SAMD4A: variants seen among roughly 807,000 people sequenced by gnomAD.
SAMD4A encodes sterile alpha motif domain containing 4A.
A neutral mutation model predicts 81.3 loss-of-function variants in SAMD4A; 33 were observed. The ratio of observed to expected loss-of-function variants is 0.41; its 90% confidence interval spans 0.31 to 0.54. The LOEUF (loss-of-function observed/expected upper bound fraction) is 0.54. Ranked by LOEUF, SAMD4A falls within the 20% of genes least tolerant of loss-of-function variation. The probability of loss-of-function intolerance (pLI) is 0.37; values close to 1 mark genes in which losing one functional copy is unlikely to be tolerated. For missense variants in SAMD4A, 854 were observed against 951.1 expected (o/e 0.90, Z 1.34); for synonymous variants, 389 against 382.1 (o/e 1.02, Z -0.21).
At chr14:54,685,281 C>CCG (rs368449270) in intron 2 of SAMD4A, among the ~76,000 whole-genome samples, 4,401 of 134,500 alleles carry the variant, frequency 0.033, 293 homozygotes, top group African/African-American at 0.11. Flanking sequence ...CCTGCCCCCC[C>CCG]CCCCAGCTCC....
chr14:54,698,225 TGTG>T lies in SAMD4A; in HGVS notation c.197-3836_197-3834del, dbSNP rs138255997. Among the ~76,000 whole-genome samples the T allele has an allele frequency of 5.2e-3, 790 of 152,390 alleles. 7 individuals carry two copies. The highest frequency in any genetic ancestry group is 0.017 in the African/African-American group (727 of 41,590). On this transcript the variant is annotated intron_variant, in intron 2 of 12. Coordinates refer to ENST00000554335, the MANE Select transcript of SAMD4A (RefSeq NM_015589.6). ...TATTATACTTCTGTTGCTCACCAAC[TGTG>T]ATTATCCATGTACTCTATTAATACA...
intron 2 of SAMD4A, among the ~76,000 whole-genome samples, chr14:54,684,159 G>A (rs2036194900): frequency 6.6e-6 from 1 of 152,150 alleles, no homozygotes; most frequent in Non-Finnish European, 1.5e-5. Context: ...TTTCAAGGGT[G>A]CTACCTTAAA....
At chr14:54,681,116 C>T (rs1433549006) in intron 2 of SAMD4A, among the ~76,000 whole-genome samples, 2 of 152,146 alleles carry the variant, frequency 1.3e-5, no homozygotes, top group East Asian at 3.9e-4. Context: ...AGCAGTGAAC[C>T]GATGGGGGAC....
Position 54,651,660 on chromosome 14 carries a change from CAT to C in SAMD4A, c.197-50401_197-50400del, listed in dbSNP as rs2035406563. ...TGAATGATTAATATTTATATGTAAT[CAT>C]GTGCATATTTTATTTGAGATTTTCA... is the stretch of plus-strand genomic sequence containing the variant. On this transcript the variant is annotated intron_variant, in intron 2 of 12. Coordinates refer to ENST00000554335, the MANE Select transcript of SAMD4A (RefSeq NM_015589.6). 2.6e-5 allele frequency among the ~76,000 whole-genome samples: 4 copies of C among 152,120 alleles called. No individual in the cohort carries two copies. In the South Asian group the frequency reaches 8.3e-4, roughly 32 times the overall value.
chr14:54,579,931 A>C (rs181078712), intron 2 of SAMD4A, among the ~76,000 whole-genome samples: 2 of 152,398 alleles, frequency 1.3e-5, no homozygotes, highest in East Asian at 1.9e-4. Flanking sequence ...CTGTAAATTA[A>C]AATGAGCTCT....
intron 2 of SAMD4A, among the ~76,000 whole-genome samples, chr14:54,661,974 T>G (rs1594782811): frequency 6.6e-6 from 1 of 152,058 alleles, no homozygotes; most frequent in East Asian, 1.9e-4. Context: ...GTATTGAGAT[T>G]GGCAGCCGCC....
intron 2 of SAMD4A, chr14:54,668,938 G>C (rs2035813298): frequency 6.6e-6 from 1 of 152,260 alleles, no homozygotes; most frequent in Non-Finnish European, 1.5e-5. Context: ...GGTCAAGAAG[G>C]AATGACAGAC....
chr14:54,734,656 C>A (rs1343640655), intron 3 of SAMD4A, among the ~76,000 whole-genome samples: 1 of 152,182 alleles, frequency 6.6e-6, no homozygotes, highest in East Asian at 1.9e-4. Context: ...GGATAACTGA[C>A]AGCTTCCCCA....
intron 2 of SAMD4A, among the ~76,000 whole-genome samples, chr14:54,653,879 T>C (rs2140434350): frequency 6.6e-6 from 1 of 152,336 alleles, no homozygotes; most frequent in African/African-American, 2.4e-5. Context: ...TACTGCCCTC[T>C]GTCTTAGCCG....
At chr14:54,703,516 A>G (rs754052402) in intron 3 of SAMD4A, 3 of 152,194 alleles carry the variant, frequency 2.0e-5, no homozygotes, top group African/African-American at 4.8e-5. Context: ...TGCTTTTGCA[A>G]TTAGACCTCG....
intron 2 of SAMD4A, among the ~76,000 whole-genome samples, chr14:54,576,374 A>T (rs571662443): frequency 7.2e-5 from 11 of 152,322 alleles, no homozygotes; most frequent in African/African-American, 2.4e-4. Flanking sequence ...GGGAGAAACA[A>T]ACTGTCTGAC....
chr14:54,690,609 C>G (rs1037414122), intron 2 of SAMD4A, among the ~76,000 whole-genome samples: 4 of 152,132 alleles, frequency 2.6e-5, no homozygotes, highest in African/African-American at 9.7e-5. Context: ...ACAGACACTT[C>G]TATGGGTACA....
chr14:54,670,295 A>T (rs2035852336), intron 2 of SAMD4A, among the ~76,000 whole-genome samples: 1 of 152,182 alleles, frequency 6.6e-6, no homozygotes, highest in Non-Finnish European at 1.5e-5. Flanking sequence ...GTTACCGTTC[A>T]TCTGGTTTCT....
At chr14:54,602,919 G>A (rs889126386) in intron 2 of SAMD4A, among the ~76,000 whole-genome samples, 2 of 152,192 alleles carry the variant, frequency 1.3e-5, no homozygotes, top group African/African-American at 4.8e-5. Flanking sequence ...CATCACCTGA[G>A]ATCTTCTTGG....
chr14:54,737,867 T>G (rs1266847674), intron 4 of SAMD4A, among the ~76,000 whole-genome samples: 1 of 152,188 alleles, frequency 6.6e-6, no homozygotes, highest in Non-Finnish European at 1.5e-5. Flanking sequence ...TAACAGTGTT[T>G]TAATCCTGAT....
chr14:54,672,868 A>G (rs149246083), intron 2 of SAMD4A, among the ~76,000 whole-genome samples: 3 of 152,360 alleles, frequency 2.0e-5, no homozygotes, highest in African/African-American at 4.8e-5. Flanking sequence ...CCAGCTATGC[A>G]TCTTCCCACG....
At chr14:54,626,117 C>A (rs1289944629) in intron 2 of SAMD4A, among the ~76,000 whole-genome samples, 3 of 150,434 alleles carry the variant, frequency 2.0e-5, no homozygotes, top group African/African-American at 7.3e-5. Context: ...AAAGAGACAT[C>A]TTGTTTTTTT....
chr14:54,699,855 A>G (rs17127789), intron 2 of SAMD4A, among the ~76,000 whole-genome samples: 3,557 of 152,254 alleles, frequency 0.023, 152 homozygotes, highest in East Asian at 0.18. Flanking sequence ...GTCTTTCATT[A>G]TTCTGGCAAT....
chr14:54,707,272 T>G (rs1420317884), intron 3 of SAMD4A, among the ~76,000 whole-genome samples: 1 of 151,654 alleles, frequency 6.6e-6, no homozygotes, highest in Non-Finnish European at 1.5e-5. Context: ...CCCAGATAAT[T>G]TTTGTATTTT....
Sources: allele counts gnomAD v4.1 joint callset (sites outside exome capture counted in the v4.1 genomes callset), GRCh38; gene constraint gnomAD v4.1.1; transcripts MANE v1.5; gene names NCBI Gene and HGNC (gene_info 2026-07-23, HGNC 2026-07-21).